Variants in PACS1 observed in about 807,000 individuals in gnomAD.
PACS1 encodes the protein phosphofurin acidic cluster sorting protein 1, also known as PACS-1.
In PACS1, 24 loss-of-function variants were observed where a neutral mutation model predicts 115.0. The observed-to-expected ratio is 0.21, with a 90% CI of 0.15 to 0.29. The LOEUF (loss-of-function observed/expected upper bound fraction) is 0.29. PACS1 is among the 10% of genes least tolerant of loss of function. The pLI is 1.00. For missense variants in PACS1, 838 were observed against 1,251.2 expected (o/e 0.67, Z 4.98); for synonymous variants, 453 against 504.5 (o/e 0.90, Z 1.37).
chr11:66,155,659 C>G (rs927685603), intron 1 of PACS1, among the ~76,000 whole-genome samples: 1 of 152,090 alleles, frequency 6.6e-6, no homozygotes, highest in East Asian at 1.9e-4. Context: ...TAAAGTAGTA[C>G]TAGTTTAGAG....
intron 2 of PACS1, among the ~76,000 whole-genome samples, chr11:66,205,921 G>A (rs1158094304): frequency 2.6e-5 from 4 of 152,176 alleles, no homozygotes; most frequent in Admixed American, 2.6e-4. Context: ...GCCAAGGCAG[G>A]TGGATCACCT....
At chr11:66,071,544 T>A (rs1172979490) in intron 1 of PACS1, among the ~76,000 whole-genome samples, 2 of 152,228 alleles carry the variant, frequency 1.3e-5, no homozygotes, top group African/African-American at 4.8e-5. Flanking sequence ...GGGACTTTCC[T>A]TCCATTGGCA....
chr11:66,116,444 C>T (rs1438270266), intron 1 of PACS1, among the ~76,000 whole-genome samples: 1 of 152,150 alleles, frequency 6.6e-6, no homozygotes, highest in East Asian at 1.9e-4. Flanking sequence ...AGAAGAACTG[C>T]CTTTGATTAA....
rs200559832 is a variant in PACS1, at chr11:66,167,686, GA to G, written c.357-25798del. On this transcript the variant is annotated intron_variant, in intron 1 of 23. Transcript: ENST00000320580. ...TCACATATAAGTATTTAAGCTACAT[GA>G]AGACTATTTTTATGTATGGTGTGAG... Among the ~76,000 whole-genome samples the G allele has an allele frequency of 5.1e-3, 761 of 150,284 alleles. 60 individuals are homozygous for G. The highest frequency in any genetic ancestry group is 0.016 in the African/African-American group (632 of 39,706).
Position 66,241,504 on chromosome 11 carries a change from G to A in PACS1, c.2507G>A (p.Arg836Lys), listed in dbSNP as rs2134752501. 4 of 1,613,984 alleles carry A rather than the reference G, an allele frequency of 2.5e-6. No homozygotes were observed. In the East Asian group the frequency reaches 8.9e-5, roughly 36 times the overall value. Residue 836 changes from arginine (R) to lysine (K), a missense_variant, in exon 22 of 24, where the codon AGG becomes AAG. By Grantham distance (26) the Arg-to-Lys change is conservative. Transcript: ENST00000320580. ...YWLGHPGERR[R>K]EGDKRDASSK... The stretch of plus-strand genomic sequence containing the variant: ...CTGGGCCACCCCGGGGAGCGGAGGA[G>A]GGAAGGCGACAAGAGGGACGCCAGC...
intron 1 of PACS1, among the ~76,000 whole-genome samples, chr11:66,149,867 A>G (rs1328453749): frequency 1.3e-5 from 2 of 152,096 alleles, no homozygotes; most frequent in Non-Finnish European, 2.9e-5. Flanking sequence ...CTCCTGCCTC[A>G]GCCTCCTGAG....
chr11:66,164,271 A>C (rs1383823933), intron 1 of PACS1, among the ~76,000 whole-genome samples: 2 of 152,030 alleles, frequency 1.3e-5, no homozygotes, highest in African/African-American at 2.4e-5. Context: ...TTCATCACTC[A>C]AGTCTCGTTA....
intron 1 of PACS1, among the ~76,000 whole-genome samples, chr11:66,130,769 T>C (rs1173310169): frequency 6.6e-6 from 1 of 152,176 alleles, no homozygotes; most frequent in African/African-American, 2.4e-5. Flanking sequence ...TTGTTCTCCC[T>C]GTACCACAAA....
At chr11:66,212,123 T>A (rs892551958) in intron 4 of PACS1, among the ~76,000 whole-genome samples, 2 of 151,842 alleles carry the variant, frequency 1.3e-5, no homozygotes, top group Non-Finnish European at 2.9e-5. Flanking sequence ...TAACTTTTAA[T>A]TTTTTTTATT....
intron 1 of PACS1, among the ~76,000 whole-genome samples, chr11:66,167,230 C>G (rs1464059566): frequency 1.3e-5 from 2 of 149,890 alleles, no homozygotes; most frequent in African/African-American, 5.1e-5. Flanking sequence ...CTTTTGCCCA[C>G]TTTTCCATTG....
At chr11:66,151,566 G>A (rs912492604) in intron 1 of PACS1, among the ~76,000 whole-genome samples, 4 of 152,212 alleles carry the variant, frequency 2.6e-5, no homozygotes, top group African/African-American at 9.6e-5. Context: ...AGGAGAGACA[G>A]TTCGCAGTTT....
chr11:66,085,543 G>T (rs1157000957), intron 1 of PACS1, among the ~76,000 whole-genome samples: 1 of 152,018 alleles, frequency 6.6e-6, no homozygotes, highest in Admixed American at 6.6e-5. Context: ...TCTTTCATTC[G>T]TTCTTTTACA....
At chr11:66,164,218 G>C (rs1859548360) in intron 1 of PACS1, among the ~76,000 whole-genome samples, 1 of 152,050 alleles carries the variant, frequency 6.6e-6, no homozygotes, top group Non-Finnish European at 1.5e-5. Flanking sequence ...TGCAGCTTTC[G>C]AACTCTACAG....
intron 1 of PACS1, among the ~76,000 whole-genome samples, chr11:66,145,134 G>GT (rs1859089440): frequency 1.3e-5 from 2 of 152,202 alleles, no homozygotes; most frequent in Non-Finnish European, 2.9e-5. Context: ...AAAAGCAACT[G>GT]TTTCAGGGCT....
At chr11:66,222,247 C>G (rs1396678934) in intron 10 of PACS1, among the ~76,000 whole-genome samples, 1 of 152,142 alleles carries the variant, frequency 6.6e-6, no homozygotes, top group Admixed American at 6.5e-5. Context: ...GGAGGGGAGC[C>G]ACTGAGACGT....
At chr11:66,212,749 A>G (rs187661081) in intron 4 of PACS1, among the ~76,000 whole-genome samples, 24 of 152,342 alleles carry the variant, frequency 1.6e-4, no homozygotes, top group South Asian at 6.2e-4. Flanking sequence ...TTTAGCATCT[A>G]TTCATGATTC....
At chr11:66,132,354 G>A (rs534991131) in intron 1 of PACS1, among the ~76,000 whole-genome samples, 1 of 152,084 alleles carries the variant, frequency 6.6e-6, no homozygotes, top group Non-Finnish European at 1.5e-5. Flanking sequence ...GTGGAACTGC[G>A]AGTCAATTAA....
At chr11:66,176,893 CT>C (rs1464528384) in intron 1 of PACS1, among the ~76,000 whole-genome samples, 4 of 152,214 alleles carry the variant, frequency 2.6e-5, no homozygotes, top group Non-Finnish European at 1.5e-5. Context: ...TCAGACACTC[CT>C]TTGCATTCCA....
chr11:66,216,220 C>T lies in PACS1; in HGVS notation c.762C>T (p.Ser254=). 1 of 1,614,078 alleles carries T rather than the reference C, an allele frequency of 6.2e-7. No individual in the cohort carries two copies. Among genetic ancestry groups the T allele is most frequent in the South Asian group, 1.1e-5 (1 of 91,084 alleles). Residue 254 remains serine (S), a synonymous_variant, in exon 5 of 24, where the codon TCC becomes TCT. Coordinates refer to ENST00000320580, the MANE Select transcript of PACS1 (RefSeq NM_018026.4). ...PVAEIKIYSL[S]SQPIDHEGIK... is the part of the protein sequence containing the mutation. Reference sequence around the variant, plus strand: ...CAGAAATAAAGATCTACTCCCTGTCCAGCCAACCCATTGACCATGAAGGAA... The same window carrying T: ...CAGAAATAAAGATCTACTCCCTGTCTAGCCAACCCATTGACCATGAAGGAA...
Sources: gnomAD v4.1 joint callset for allele counts (sites outside exome capture counted in the v4.1 genomes callset) on GRCh38, gnomAD v4.1.1 for gene constraint, MANE v1.5 for transcripts, NCBI Gene and HGNC (gene_info 2026-07-23, HGNC 2026-07-21) for gene names.